Variants in CAST observed in about 807,000 individuals in gnomAD.
CAST encodes MIR583 host.
Under a neutral mutation model 119.6 loss-of-function variants are expected in CAST, and 76 were observed. The observed-to-expected ratio is 0.64, with a 90% confidence interval of 0.53 to 0.77. The LOEUF (loss-of-function observed/expected upper bound fraction) is 0.77, where lower values mean the gene tolerates loss of function less well. Among genes scored for constraint, CAST ranks in the 30% least tolerant of loss-of-function variants. The pLI, the probability that CAST is intolerant of heterozygous loss-of-function variation, is 0.00. For synonymous variants in CAST, 319 were observed against 331.6 expected (o/e 0.96, Z 0.41); for missense variants, 953 against 946.5 (o/e 1.01, Z -0.09).
In CAST at chr5:96,729,958, C is replaced by T. The variant is rs74323148; in HGVS notation, c.549+233C>T. On this transcript the variant is annotated intron_variant, in intron 8 of 31. Coordinates refer to ENST00000675179, the MANE Select transcript of CAST (RefSeq NM_001750.7). ...TTGGTCTAGGGGATGCGCTGTCCGT[C>T]CTTCTCCTACTGCCCAGCAATAACC... is the stretch of plus-strand genomic sequence containing the variant. Among the ~76,000 whole-genome samples, 3,027 of 152,302 alleles carry T rather than the reference C, an allele frequency of 0.02. 79 individuals carry two copies. The highest frequency in any genetic ancestry group is 0.067 in the African/African-American group (2,779 of 41,544).
the CAST span, among the ~76,000 whole-genome samples, chr5:96,501,777 A>G: frequency 2.6e-4 from 39 of 152,380 alleles, no homozygotes; most frequent in Non-Finnish European, 4.9e-4. Flanking sequence ...CAGTTCAGTC[A>G]AGGACAGACC....
the CAST span, among the ~76,000 whole-genome samples, chr5:96,100,078 A>C: frequency 6.6e-6 from 1 of 152,036 alleles, no homozygotes; most frequent in Admixed American, 6.6e-5. Flanking sequence ...GGCTCTTCTT[A>C]AGTTATCTTC....
At chr5:96,432,981 G>GCA in the CAST span, 1 of 1,614,180 alleles carries the variant, frequency 6.2e-7, no homozygotes, top group Non-Finnish European at 8.5e-7. Flanking sequence ...ACTGTTCAGT[G>GCA]CACACCAAGC....
intron 1 of CAST, among the ~76,000 whole-genome samples, chr5:96,536,476 T>C (rs1025389622): frequency 1.3e-5 from 2 of 152,202 alleles, no homozygotes; most frequent in Admixed American, 1.3e-4. Flanking sequence ...ATCAATGATG[T>C]CTTTGACAAG....
At chr5:96,691,985 CT>C (rs1462097516) in intron 2 of CAST, among the ~76,000 whole-genome samples, 2 of 152,156 alleles carry the variant, frequency 1.3e-5, no homozygotes, top group Non-Finnish European at 2.9e-5. Context: ...TTCTGATTGA[CT>C]CAGTAAAAAA....
At chr5:96,285,361 A>G in the CAST span, among the ~76,000 whole-genome samples, 2 of 152,230 alleles carry the variant, frequency 1.3e-5, no homozygotes, top group Non-Finnish European at 2.9e-5. Flanking sequence ...AAAGCTTTAT[A>G]AACTTTAAAG....
chr5:96,399,127 G>A, the CAST span: 2 of 899,438 alleles, frequency 2.2e-6, no homozygotes, highest in Non-Finnish European at 3.6e-6. Flanking sequence ...TTGACTAGAT[G>A]CTCAACTAAG....
chr5:96,153,536 G>C, the CAST span, among the ~76,000 whole-genome samples: 1 of 151,980 alleles, frequency 6.6e-6, no homozygotes, highest in East Asian at 1.9e-4. Flanking sequence ...TCTTGCATTG[G>C]GCCCCAAAAA....
intron 1 of CAST, among the ~76,000 whole-genome samples, chr5:96,607,880 C>T (rs1747290095): frequency 6.6e-6 from 1 of 152,022 alleles, no homozygotes; most frequent in Non-Finnish European, 1.5e-5. Flanking sequence ...ATTGTGATGG[C>T]TCAGTATACA....
At chr5:96,008,600 G>T in the CAST span, among the ~76,000 whole-genome samples, 1 of 152,102 alleles carries the variant, frequency 6.6e-6, no homozygotes, top group Non-Finnish European at 1.5e-5. Context: ...CATGGTTTCA[G>T]GGATGAACAT....
the CAST span, among the ~76,000 whole-genome samples, chr5:96,129,411 G>A: frequency 2.6e-5 from 4 of 152,054 alleles, no homozygotes; most frequent in Non-Finnish European, 5.9e-5. Flanking sequence ...TCAACAAGAG[G>A]AAGTCTTGTC....
At position 96,737,958 on chromosome 5, in the gene CAST, A is replaced by G. The variant is rs780496672; in HGVS notation, c.798+11A>G. On this transcript the variant is annotated intron_variant, in intron 11 of 31. Transcript: ENST00000675179. ...GGACCAGAAGTTTCAGTATGTGATC[A>G]TGATATCTGTAAAAATTCATACTCA... 8 of 1,453,318 alleles carry G rather than the reference A, an allele frequency of 5.5e-6. No individual in the cohort carries two copies. The Admixed American group carries it at 1.2e-4, about 21-fold the overall frequency. 90.0% of individuals were successfully genotyped at this position (1,453,318 alleles called of 1,614,324 possible). A position where few individuals can be genotyped will look rare whatever the true frequency, so the allele number is the denominator to read the frequency against.
the CAST span, among the ~76,000 whole-genome samples, chr5:96,310,896 C>T: frequency 6.8e-6 from 1 of 146,410 alleles, no homozygotes; most frequent in Admixed American, 6.8e-5. Flanking sequence ...TTGTGTTGAT[C>T]TTTTGTATTG....
chr5:96,519,415 C>T, the CAST span, among the ~76,000 whole-genome samples: 1 of 152,188 alleles, frequency 6.6e-6, no homozygotes, highest in Admixed American at 6.5e-5. Context: ...GAATTCCAGA[C>T]TCGGCTTGTG....
chr5:96,392,406 A>G, the CAST span: 6 of 153,388 alleles, frequency 3.9e-5, no homozygotes, highest in African/African-American at 1.4e-4. Flanking sequence ...AGATTTCAAG[A>G]TCTGTTTCTA....
the CAST span, among the ~76,000 whole-genome samples, chr5:96,199,595 T>C: frequency 1.3e-5 from 2 of 152,046 alleles, no homozygotes; most frequent in South Asian, 2.1e-4. Context: ...GAAAAAAAAA[T>C]TTAAGGCCAC....
At chr5:96,126,487 C>A in the CAST span, among the ~76,000 whole-genome samples, 2 of 152,036 alleles carry the variant, frequency 1.3e-5, no homozygotes, top group African/African-American at 4.8e-5. Context: ...TAAAGCTCAT[C>A]TTTTCTGATA....
At chr5:96,337,140 TAAAAC>T in the CAST span, among the ~76,000 whole-genome samples, 1 of 152,086 alleles carries the variant, frequency 6.6e-6, no homozygotes, top group Non-Finnish European at 1.5e-5. Flanking sequence ...GAAACTGAGC[TAAAAC>T]AAAGTAAAAC....
the CAST span, among the ~76,000 whole-genome samples, chr5:96,317,158 C>T: frequency 2.6e-5 from 4 of 151,950 alleles, no homozygotes; most frequent in South Asian, 2.1e-4. Flanking sequence ...GCAAGTCACA[C>T]GTACATTATA....
Sources: gnomAD v4.1 joint callset for allele counts (sites outside exome capture counted in the v4.1 genomes callset) on GRCh38, gnomAD v4.1.1 for gene constraint, MANE v1.5 for transcripts, NCBI Gene and HGNC (gene_info 2026-07-23, HGNC 2026-07-21) for gene names.